Variants in ACTA2 observed in about 807,000 individuals in gnomAD.
ACTA2 encodes actin, aortic smooth muscle.
Under a neutral mutation model 39.5 loss-of-function variants are expected in ACTA2, and 12 were observed. The observed-to-expected ratio is 0.30, with a 90% CI of 0.19 to 0.49. The LOEUF is 0.49. Among genes scored for constraint, ACTA2 ranks in the 20% least tolerant of loss-of-function variants. The pLI, the probability that ACTA2 is intolerant of heterozygous loss-of-function variation, is 0.99. For synonymous variants in ACTA2, 158 were observed against 180.6 expected (o/e 0.88, Z 1.00); for missense variants, 236 against 498.8 (o/e 0.47, Z 5.02).
chr10:88,940,147 T>G, intron 6 of ACTA2: 1 of 251,552 alleles, frequency 4.0e-6, no homozygotes, highest in South Asian at 4.8e-5. Flanking sequence ...TCAAAAAGTC[T>G]GAGATCCTGT....
chr10:88,974,535 A>G (rs1161015526), intron 1 of ACTA2: 1 of 152,218 alleles, frequency 6.6e-6, no homozygotes, highest in Non-Finnish European at 1.5e-5. Context: ...TTATTTTAAT[A>G]GTAACAAGGT....
chr10:88,961,684 C>A (rs1846228846), intron 1 of ACTA2, among the ~76,000 whole-genome samples: 3 of 152,190 alleles, frequency 2.0e-5, no homozygotes, highest in Admixed American at 2.0e-4. Context: ...ATCTTTACAT[C>A]TCTGAATCTC....
chr10:88,955,996 A>G (rs1476142780), upstream of ACTA2, among the ~76,000 whole-genome samples: 1 of 152,226 alleles, frequency 6.6e-6, no homozygotes, highest in Non-Finnish European at 1.5e-5. Flanking sequence ...AAGCACCTAG[A>G]ACACTGCCTG....
intron 1 of ACTA2, among the ~76,000 whole-genome samples, chr10:88,986,092 T>G (rs1352417246): frequency 6.6e-6 from 1 of 152,172 alleles, no homozygotes; most frequent in Non-Finnish European, 1.5e-5. Flanking sequence ...AATTATTAGT[T>G]AAATATATAT....
At chr10:88,938,022 G>T (rs772675863) in intron 8 of ACTA2, 39 bp downstream of exon 8, 2 of 1,611,180 alleles carry the variant, frequency 1.2e-6, no homozygotes, top group Non-Finnish European at 8.5e-7. Flanking sequence ...GGCTGACACT[G>T]CTGGCGGCAT....
intron 8 of ACTA2, 47 bp from the exon 9 acceptor site, chr10:88,935,413 G>T: frequency 6.2e-7 from 1 of 1,605,610 alleles, no homozygotes; most frequent in South Asian, 1.1e-5. Context: ...CATCATTAGT[G>T]CAGTCGTTAG....
intron 1 of ACTA2, among the ~76,000 whole-genome samples, chr10:88,978,669 C>T (rs1187345959): frequency 6.6e-6 from 1 of 152,142 alleles, no homozygotes; most frequent in Non-Finnish European, 1.5e-5. Context: ...AGTTCATTTG[C>T]ACCACGGCTC....
At chr10:88,949,988 T>C (rs959181468) in intron 1 of ACTA2, among the ~76,000 whole-genome samples, 1 of 152,194 alleles carries the variant, frequency 6.6e-6, no homozygotes, top group African/African-American at 2.4e-5. Flanking sequence ...TTGGATCCTT[T>C]CATAAAATTA....
chr10:88,961,517 A>C (rs1846225674), intron 1 of ACTA2, among the ~76,000 whole-genome samples: 1 of 152,166 alleles, frequency 6.6e-6, no homozygotes, highest in African/African-American at 2.4e-5. Context: ...ATGTGCACTT[A>C]GAAGAGTGTG....
chr10:88,978,376 G>A (rs1238277031), intron 1 of ACTA2, among the ~76,000 whole-genome samples: 1 of 151,736 alleles, frequency 6.6e-6, no homozygotes, highest in Non-Finnish European at 1.5e-5. Flanking sequence ...ATGTGCACAT[G>A]TACCCTAAAA....
At position 88,941,229 on chromosome 10, in the gene ACTA2, C is replaced by A. The variant is rs886042811; in HGVS notation, c.616G>T (p.Ala206Ser). 1 of 1,613,888 alleles carries A rather than the reference C, an allele frequency of 6.2e-7. No homozygotes were observed. Among genetic ancestry groups the A allele is most frequent in the Non-Finnish European group, 8.5e-7 (1 of 1,179,872 alleles). Residue 206 changes from alanine to serine, a missense_variant and splice_region_variant, in exon 6 of 9, where the codon GCT becomes TCT. Coordinates refer to ENST00000224784, the MANE Select transcript of ACTA2 (RefSeq NM_001613.4). The stretch of plus-strand genomic sequence containing the variant: ...CCCCCTTATCTCCCACAGGCCTCAC[C>A]AGTAGTAACGAAGGAATAGCCACGC... ...TERGYSFVTTAEREIVRDIKE... is the reference protein window; with the variant it reads ...TERGYSFVTTSEREIVRDIKE...
intron 8 of ACTA2, 191 bp from the exon 9 acceptor site, chr10:88,935,557 G>C (rs1289181451): frequency 3.4e-6 from 2 of 590,724 alleles, no homozygotes; most frequent in African/African-American, 3.7e-5. Context: ...GGGAGCCATG[G>C]ATTTAGAAAT....
intron 1 of ACTA2, among the ~76,000 whole-genome samples, chr10:88,959,694 T>C (rs1846196513): frequency 2.0e-5 from 3 of 152,370 alleles, no homozygotes; most frequent in Middle Eastern, 3.4e-3. Context: ...TTAAGGAATC[T>C]TCAGAATTCA....
At chr10:88,939,382 T>C in intron 7 of ACTA2, 125 bp downstream of exon 7, 1 of 1,316,410 alleles carries the variant, frequency 7.6e-7, no homozygotes, top group Non-Finnish European at 1.1e-6. Context: ...CACTTTCCCT[T>C]TTTCTGGTTT....
chr10:88,952,429 C>A (rs1483558749), intron 1 of ACTA2, among the ~76,000 whole-genome samples: 1 of 152,178 alleles, frequency 6.6e-6, no homozygotes, highest in Non-Finnish European at 1.5e-5. Flanking sequence ...AACCTGCATA[C>A]CTGTATTGTG....
At chr10:88,936,187 T>G (rs1454582263) in intron 8 of ACTA2, among the ~76,000 whole-genome samples, 2 of 152,204 alleles carry the variant, frequency 1.3e-5, no homozygotes, top group Non-Finnish European at 2.9e-5. Flanking sequence ...ATATTACATA[T>G]GAGGAAACAG....
At chr10:88,948,329 A>G (rs1404263924) in intron 2 of ACTA2, 1 of 173,662 alleles carries the variant, frequency 5.8e-6, no homozygotes, top group East Asian at 1.4e-4. Context: ...CATAATGTGT[A>G]AAATTACCAT....
At chr10:88,947,771 TA>T (rs1406713226) in intron 2 of ACTA2, among the ~76,000 whole-genome samples, 20 of 152,220 alleles carry the variant, frequency 1.3e-4, no homozygotes, top group African/African-American at 4.6e-4. Flanking sequence ...ACATATTTGT[TA>T]AATGGCATTT....
chr10:88,960,497 T>C (rs1846208348), intron 1 of ACTA2, among the ~76,000 whole-genome samples: 1 of 152,066 alleles, frequency 6.6e-6, no homozygotes, highest in Non-Finnish European at 1.5e-5. Context: ...ATCCAGCATA[T>C]TGGAGGAGAA....
Sources: allele counts gnomAD v4.1 joint callset (sites outside exome capture counted in the v4.1 genomes callset), GRCh38; gene constraint gnomAD v4.1.1; transcripts MANE v1.5; gene names NCBI Gene and HGNC (gene_info 2026-07-23, HGNC 2026-07-21).